Variants in KLHL29 observed in about 807,000 individuals in gnomAD.
KLHL29 encodes the protein kelch like family member 29.
Under a neutral mutation model 80.4 loss-of-function variants are expected in KLHL29, and 21 were observed. The observed-to-expected ratio is 0.26, with a 90% CI of 0.19 to 0.38. KLHL29 has a LOEUF of 0.38. Among genes scored for constraint, KLHL29 ranks in the 10% least tolerant of loss-of-function variants. KLHL29 has a pLI of 1.00. For missense variants in KLHL29, 867 were observed against 1,223.9 expected (o/e 0.71, Z 4.35); for synonymous variants, 511 against 526.8 (o/e 0.97, Z 0.41).
chr2:23,681,415 G>A lies in KLHL29; in HGVS notation c.941-2984G>A, dbSNP rs1014882153. Among the ~76,000 whole-genome samples the A allele has an allele frequency of 2.0e-5, 3 of 152,190 alleles. No individual in the cohort carries two copies. The highest frequency in any genetic ancestry group is 2.9e-5 in the Non-Finnish European group (2 of 68,028). On this transcript the variant is annotated intron_variant, in intron 5 of 13. Transcript: ENST00000486442. The surrounding 1 kb of genome is among the most constrained non-coding windows in gnomAD (Gnocchi z 4.2). Reference sequence around the variant, plus strand: ...GAATTCCTGGAGCAGAAGGTGTCACGGCCGGGGCTGGGGCTTTAGATAGAA... The same window carrying A: ...GAATTCCTGGAGCAGAAGGTGTCACAGCCGGGGCTGGGGCTTTAGATAGAA...
In KLHL29 at chr2:23,706,934, G is replaced by A; in HGVS notation, c.*270G>A. 1 of 344,412 alleles carries A rather than the reference G, an allele frequency of 2.9e-6. No homozygotes were observed. 21.3% of individuals were successfully genotyped at this position (344,412 alleles called of 1,614,324 possible). A position where few individuals can be genotyped will look rare whatever the true frequency, so the allele number is the denominator to read the frequency against. Reference sequence around the variant, plus strand: ...AACAGGGGCGCTCGCTCTGCCAGGTGCAATAGAGTTTCACGTATTTTTCAA... The same window carrying A: ...AACAGGGGCGCTCGCTCTGCCAGGTACAATAGAGTTTCACGTATTTTTCAA... On this transcript the variant is annotated 3_prime_UTR_variant, in exon 14 of 14. Coordinates refer to ENST00000486442, the MANE Select transcript of KLHL29 (RefSeq NM_052920.2).
intron 3 of KLHL29, among the ~76,000 whole-genome samples, chr2:23,586,892 A>G (rs1275908026): frequency 6.6e-6 from 1 of 152,132 alleles, no homozygotes; most frequent in Non-Finnish European, 1.5e-5. Context: ...CTGTGACCCC[A>G]GCTCCTAAAA....
chr2:23,650,714 G>A (rs74479642), intron 5 of KLHL29, among the ~76,000 whole-genome samples: 2 of 152,186 alleles, frequency 1.3e-5, no homozygotes, highest in East Asian at 1.9e-4. Flanking sequence ...ACCTGTGCAC[G>A]CCGCTTTCTC....
chr2:23,416,575 G>T (rs1441780486), intron 1 of KLHL29, among the ~76,000 whole-genome samples: 1 of 152,170 alleles, frequency 6.6e-6, no homozygotes, highest in Non-Finnish European at 1.5e-5. Flanking sequence ...TGCCTGTGAG[G>T]TTCACATCAC....
rs1262842716 is a variant in KLHL29, at chr2:23,680,682, A to G, written c.941-3717A>G. Among the ~76,000 whole-genome samples, 1 of 151,056 alleles carries G rather than the reference A, an allele frequency of 6.6e-6. No individual in the cohort carries two copies. Among genetic ancestry groups the G allele is most frequent in the African/African-American group, 2.4e-5 (1 of 41,074 alleles). On this transcript the variant is annotated intron_variant, in intron 5 of 13. Coordinates refer to ENST00000486442, the MANE Select transcript of KLHL29 (RefSeq NM_052920.2). The surrounding 1 kb of genome is among the most constrained non-coding windows in gnomAD (Gnocchi z 4.1). ...CATCTTCTCCTGGGCTCTCTAGGCC[A>G]TCTTCCCCTGGGGTCTCTAGGCCAT...
intron 3 of KLHL29, among the ~76,000 whole-genome samples, chr2:23,628,172 A>G (rs1480094601): frequency 6.6e-6 from 1 of 152,114 alleles, no homozygotes; most frequent in East Asian, 1.9e-4. Context: ...GGCCTCCCAA[A>G]GGGCTGGGAT....
At chr2:23,538,346 G>A (rs956473546) in intron 2 of KLHL29, among the ~76,000 whole-genome samples, 1 of 152,190 alleles carries the variant, frequency 6.6e-6, no homozygotes, top group Admixed American at 6.5e-5. Flanking sequence ...GAAGCCAGAT[G>A]GCATGGGTGC....
At position 23,639,223 on chromosome 2, in the gene KLHL29, A is replaced by G; in HGVS notation, c.370A>G (p.Thr124Ala). 6.5e-7 allele frequency: 1 copy of G among 1,548,616 alleles called. No individual in the cohort carries two copies. The highest frequency in any genetic ancestry group is 8.7e-7 in the Non-Finnish European group (1 of 1,145,652). The change falls in exon 4 of 14, where the codon ACA (threonine) becomes GCA (alanine). Residue 124 changes from threonine (T) to alanine (A), a missense_variant. This residue lies in a region of KLHL29 where 424 missense variants were observed against 456.9 expected (regional missense o/e 0.93). Transcript: ENST00000486442. ...RWGQTPINQS[T>A]PWDTDEPPSK... ...GGGGCAGACGCCTATCAATCAGTCC[A>G]CACCCTGGGACACTGATGAGCCACC...
chr2:23,413,745 CT>C (rs1666920689), intron 1 of KLHL29, among the ~76,000 whole-genome samples: 1 of 152,226 alleles, frequency 6.6e-6, no homozygotes, highest in Non-Finnish European at 1.5e-5. Context: ...AGCTGTGCAT[CT>C]GTCCCCACCA....
chr2:23,533,136 T>C (rs754467575), intron 2 of KLHL29, among the ~76,000 whole-genome samples: 2 of 151,966 alleles, frequency 1.3e-5, no homozygotes, highest in African/African-American at 4.8e-5. Flanking sequence ...TTTGGAGATA[T>C]TGGGGGAGGA....
At chr2:23,444,488 C>A (rs908394627) in intron 1 of KLHL29, among the ~76,000 whole-genome samples, 59 of 152,156 alleles carry the variant, frequency 3.9e-4, no homozygotes, top group Non-Finnish European at 7.2e-4. Context: ...CCATGCCCAG[C>A]TAATTTTTTG....
At position 23,681,418 on chromosome 2, in the gene KLHL29, C is replaced by T. The variant is rs760311680; in HGVS notation, c.941-2981C>T. On this transcript the variant is annotated intron_variant, in intron 5 of 13. Coordinates refer to ENST00000486442, the MANE Select transcript of KLHL29 (RefSeq NM_052920.2). The surrounding 1 kb of genome is among the most constrained non-coding windows in gnomAD (Gnocchi z 4.2). Reference sequence around the variant, plus strand: ...TTCCTGGAGCAGAAGGTGTCACGGCCGGGGCTGGGGCTTTAGATAGAATCA... The same window carrying T: ...TTCCTGGAGCAGAAGGTGTCACGGCTGGGGCTGGGGCTTTAGATAGAATCA... 3.9e-5 allele frequency among the ~76,000 whole-genome samples: 6 copies of T among 152,118 alleles called. No individual in the cohort carries two copies. The highest frequency in any genetic ancestry group is 2.0e-4 in the Admixed American group (3 of 15,268).
rs1246495535 is a variant in KLHL29 at position 23,551,285 on chromosome 2, T to C, written c.-45-10867T>C. Among the ~76,000 whole-genome samples, 8 of 152,152 alleles carry C rather than the reference T, an allele frequency of 5.3e-5. No individual in the cohort carries two copies. The East Asian group carries it at 1.3e-3, about 26-fold the overall frequency. ...TTTTAATGATTTACACCAGGAGCAA[T>C]AGCACAAATGCCTAGTCAATTAGTC... is the stretch of plus-strand genomic sequence containing the variant. On this transcript the variant is annotated intron_variant, in intron 2 of 13. Coordinates refer to ENST00000486442, the MANE Select transcript of KLHL29 (RefSeq NM_052920.2).
chr2:23,627,146 C>T (rs897683383), intron 3 of KLHL29, among the ~76,000 whole-genome samples: 1 of 152,204 alleles, frequency 6.6e-6, no homozygotes, highest in Non-Finnish European at 1.5e-5. Flanking sequence ...AAGATCTCTC[C>T]GCTGTGCCTC....
At chr2:23,472,319 G>A (rs1572342037) in intron 1 of KLHL29, among the ~76,000 whole-genome samples, 1 of 152,284 alleles carries the variant, frequency 6.6e-6, no homozygotes, top group South Asian at 2.1e-4. Flanking sequence ...AGCAGGTGAT[G>A]GCACTTCTGA....
chr2:23,448,505 C>T (rs1663773042), intron 1 of KLHL29, among the ~76,000 whole-genome samples: 1 of 152,138 alleles, frequency 6.6e-6, no homozygotes, highest in Admixed American at 6.6e-5. Context: ...TTGGGAGTTT[C>T]CAGAATTAGA....
chr2:23,606,199 AGG>A (rs797013324), intron 3 of KLHL29, among the ~76,000 whole-genome samples: 3 of 149,138 alleles, frequency 2.0e-5, no homozygotes, highest in Non-Finnish European at 3.0e-5. Flanking sequence ...GGAGAGAGAG[AGG>A]GAGAGAGAGA....
chr2:23,389,869 A>G (rs1173814363), intron 1 of KLHL29, among the ~76,000 whole-genome samples: 2 of 152,244 alleles, frequency 1.3e-5, no homozygotes, highest in Admixed American at 6.5e-5. Context: ...ATCTGGGGTC[A>G]TCGCCTGATG....
At chr2:23,595,311 C>A (rs1668369869) in intron 3 of KLHL29, among the ~76,000 whole-genome samples, 1 of 152,184 alleles carries the variant, frequency 6.6e-6, no homozygotes, top group Non-Finnish European at 1.5e-5. Flanking sequence ...CCCACAAAAC[C>A]CTACCAAAGC....
Sources: allele counts gnomAD v4.1 joint callset (sites outside exome capture counted in the v4.1 genomes callset), GRCh38; gene constraint gnomAD v4.1.1; regional missense constraint gnomAD v4.1.1; non-coding constraint Gnocchi (gnomAD v3.1); transcripts MANE v1.5; gene names NCBI Gene and HGNC (gene_info 2026-07-23, HGNC 2026-07-21).